Variants in ZBTB7A observed in about 807,000 individuals in gnomAD.
ZBTB7A encodes zinc finger and BTB domain containing 7A, also known as zinc finger and BTB domain-containing protein 7A.
A neutral mutation model predicts 26.7 loss-of-function variants in ZBTB7A; 7 were observed. That is an observed-to-expected ratio of 0.26 (90% confidence interval 0.15 to 0.49). The LOEUF is 0.49. ZBTB7A is among the 20% of genes least tolerant of loss of function. The pLI, the probability that ZBTB7A is intolerant of heterozygous loss-of-function variation, is 0.98. For missense variants in ZBTB7A, 617 were observed against 919.5 expected, an observed-to-expected ratio of 0.67 and a Z score of 4.25; for synonymous variants, 452 against 441.0, an observed-to-expected ratio of 1.02 and a Z score of -0.31.
chr19:4,046,877 C>T lies in ZBTB7A; in HGVS notation c.*875G>A, dbSNP rs1312566994. The T allele has an allele frequency of 2.2e-5, 3 of 137,410 alleles. No homozygotes were observed. The highest frequency in any genetic ancestry group is 4.1e-3 in the Middle Eastern group (1 of 242). The allele number at this position is 137,410 out of a possible 1,614,324, so 8.5% of individuals were successfully genotyped here. ...GGGAGAGGGGGCTCGGGGGAGAGGACGAAGACAGAAGTTTTGAATCTCCAA... is the reference window on the plus strand; with the variant it reads ...GGGAGAGGGGGCTCGGGGGAGAGGATGAAGACAGAAGTTTTGAATCTCCAA... On this transcript the variant is annotated 3_prime_UTR_variant, in exon 3 of 3. Coordinates refer to ENST00000322357, the MANE Select transcript of ZBTB7A (RefSeq NM_015898.4).
intron 1 of ZBTB7A, among the ~76,000 whole-genome samples, chr19:4,055,907 A>G (rs1257581569): frequency 6.6e-6 from 1 of 152,176 alleles, no homozygotes; most frequent in African/African-American, 2.4e-5. Flanking sequence ...ACAGGCATGA[A>G]CCACGGCACC....
rs1186708238 is a variant in ZBTB7A, at chr19:4,047,496, T to C, written c.*256A>G. 4 of 208,618 alleles carry C rather than the reference T, an allele frequency of 1.9e-5. No homozygotes were observed. The highest frequency in any genetic ancestry group is 4.8e-5 in the African/African-American group (2 of 41,302). 12.9% of individuals were successfully genotyped at this position (208,618 alleles called of 1,614,324 possible). ...GCCCCGAAACCCAGCGATGGGGTGG[T>C]GGGGGGAAGGGGAGCCAGGGAGGGC... is the stretch of plus-strand genomic sequence containing the variant. On this transcript the variant is annotated 3_prime_UTR_variant, in exon 3 of 3. Coordinates refer to ENST00000322357, the MANE Select transcript of ZBTB7A (RefSeq NM_015898.4).
intron 1 of ZBTB7A, among the ~76,000 whole-genome samples, chr19:4,063,858 T>G (rs1342194449): frequency 6.6e-6 from 1 of 152,120 alleles, no homozygotes; most frequent in African/African-American, 2.4e-5. Flanking sequence ...CGGCACCTGC[T>G]CCGAGGCTTG....
chr19:4,059,801 G>A (rs1210469146), intron 1 of ZBTB7A, among the ~76,000 whole-genome samples: 1 of 152,090 alleles, frequency 6.6e-6, no homozygotes, highest in Non-Finnish European at 1.5e-5. Context: ...CCTAAGGAAA[G>A]GGCCGAAGAC....
chr19:4,064,355 A>G (rs1026801247), intron 1 of ZBTB7A, among the ~76,000 whole-genome samples: 9 of 151,664 alleles, frequency 5.9e-5, no homozygotes, highest in African/African-American at 2.2e-4. Flanking sequence ...CTCTGTCTCC[A>G]CAGCGATGGC....
intron 2 of ZBTB7A, 140 bp downstream of exon 2, chr19:4,053,831 G>A: frequency 2.1e-6 from 2 of 950,326 alleles, no homozygotes; most frequent in South Asian, 1.7e-5. Context: ...GTGCGTGTAC[G>A]TGTCTGTGTG....
At position 4,047,881 on chromosome 19, in the gene ZBTB7A, G is replaced by A. The variant is rs1343205344; in HGVS notation, c.1626C>T (p.Asp542=). ...CGGGGCTGGCCACGTCCTCGTCCTC[G>A]TCCTCGTCCTTAAAGTGCTTCTCCT... ...NGQEKHFKDE[D]EDEDVASPDG... is the part of the protein sequence containing the mutation. Residue 542 remains aspartate, a synonymous_variant, in exon 3 of 3, where the codon GAC becomes GAT. Coordinates refer to ENST00000322357, the MANE Select transcript of ZBTB7A (RefSeq NM_015898.4). The A allele has an allele frequency of 4.4e-6, 7 of 1,597,780 alleles. 1 individual carries two copies. The East Asian group carries it at 7.0e-5, about 16-fold the overall frequency.
At chr19:4,063,868 G>C (rs926046377) in intron 1 of ZBTB7A, among the ~76,000 whole-genome samples, 1 of 152,194 alleles carries the variant, frequency 6.6e-6, no homozygotes, top group African/African-American at 2.4e-5. Flanking sequence ...TCCGAGGCTT[G>C]CTCTAACCTC....
intron 1 of ZBTB7A, among the ~76,000 whole-genome samples, chr19:4,063,202 G>A (rs2040657455): frequency 6.6e-6 from 1 of 152,178 alleles, no homozygotes; most frequent in African/African-American, 2.4e-5. Flanking sequence ...AAGACACCAC[G>A]GGTGGCTTTG....
At chr19:4,063,179 C>T (rs2040657068) in intron 1 of ZBTB7A, among the ~76,000 whole-genome samples, 2 of 152,178 alleles carry the variant, frequency 1.3e-5, no homozygotes, top group South Asian at 4.1e-4. Flanking sequence ...GGAGTTTCCG[C>T]CGCGGAGGAG....
At chr19:4,053,604 T>TCG (rs2040530457) in intron 2 of ZBTB7A, among the ~76,000 whole-genome samples, 2 of 149,824 alleles carry the variant, frequency 1.3e-5, no homozygotes, top group African/African-American at 4.9e-5. Flanking sequence ...TGCGTGCATG[T>TCG]GTATGTGATG....
chr19:4,054,303 G>A lies in ZBTB7A; in HGVS notation c.930C>T (p.Asp310=), dbSNP rs111690810. The part of the protein sequence containing the change: ...AAEGEDGDGP[D]VDGLAASTLL... Reference sequence around the variant, plus strand: ...GCGTGCTGGCCGCCAGCCCGTCCACGTCGGGCCCGTCCCCGTCCTCGCCCT... The same window carrying A: ...GCGTGCTGGCCGCCAGCCCGTCCACATCGGGCCCGTCCCCGTCCTCGCCCT... The change falls in exon 2 of 3, where the codon GAC becomes GAT. Residue 310 remains aspartate (D), a synonymous_variant. Coordinates refer to ENST00000322357, the MANE Select transcript of ZBTB7A (RefSeq NM_015898.4). The A allele has an allele frequency of 1.0e-4, 157 of 1,533,766 alleles. 1 individual carries two copies. Among genetic ancestry groups the A allele is most frequent in the African/African-American group, 6.9e-5 (5 of 72,936 alleles).
At chr19:4,066,217 G>A (rs575621908) in intron 1 of ZBTB7A, among the ~76,000 whole-genome samples, 12 of 120,018 alleles carry the variant, frequency 1.0e-4, no homozygotes, top group African/African-American at 3.6e-4. Context: ...ATCCCCCATG[G>A]AGCTCAATCC....
Position 4,055,260 on chromosome 19 carries a change from G to C in ZBTB7A, c.-15-13C>G. ...TCCGCGCCGAGACCTGCAGCAGTGG[G>C]GAAGGAGAGGGCGCTCGTGAGTGGG... is the stretch of plus-strand genomic sequence containing the variant. On this transcript the variant is annotated splice_polypyrimidine_tract_variant and intron_variant, in intron 1 of 2. Transcript: ENST00000322357. The C allele has an allele frequency of 6.9e-7, 1 of 1,457,052 alleles. No individual in the cohort carries two copies. Among genetic ancestry groups the C allele is most frequent in the Non-Finnish European group, 9.0e-7 (1 of 1,106,200 alleles). The allele number at this position is 1,457,052 out of a possible 1,614,324, so 90.3% of individuals were successfully genotyped here.
chr19:4,059,929 C>T (rs1409819556), intron 1 of ZBTB7A, among the ~76,000 whole-genome samples: 1 of 152,184 alleles, frequency 6.6e-6, no homozygotes, highest in Non-Finnish European at 1.5e-5. Context: ...GCGCCCGACA[C>T]ACGGTACACG....
intron 1 of ZBTB7A, among the ~76,000 whole-genome samples, chr19:4,056,409 G>A (rs529765807): frequency 9.8e-5 from 15 of 152,338 alleles, no homozygotes; most frequent in African/African-American, 3.4e-4. Context: ...CCTCCGAGGA[G>A]GGCCCCCGGG....
At chr19:4,056,896 G>A (rs1245112238) in intron 1 of ZBTB7A, among the ~76,000 whole-genome samples, 2 of 150,938 alleles carry the variant, frequency 1.3e-5, no homozygotes, top group African/African-American at 2.4e-5. Flanking sequence ...GCGTGGTGGC[G>A]CGTGCCTGTA....
intron 1 of ZBTB7A, among the ~76,000 whole-genome samples, 197 bp downstream of exon 1, chr19:4,066,485 C>T (rs1055639235): frequency 1.8e-4 from 28 of 151,546 alleles, no homozygotes; most frequent in Admixed American, 1.6e-3. Flanking sequence ...TCCCGGGCGG[C>T]GCCCCCTCCC....
rs1404790832 is a variant in ZBTB7A, at chr19:4,043,928, C to T, written c.*3824G>A. 2.1e-5 allele frequency among the ~76,000 whole-genome samples: 3 copies of T among 140,332 alleles called. No individual in the cohort carries two copies. The allele number at this position is 140,332 out of a possible 152,430, so 92.1% of individuals were successfully genotyped here. A position where few individuals can be genotyped will look rare whatever the true frequency, so the allele number is the denominator to read the frequency against. ...ACTGCAAATATAAATATCTTTCTTTCTCAAAAAATAGGATTTTTGCTTTTT... is the reference window on the plus strand; with the variant it reads ...ACTGCAAATATAAATATCTTTCTTTTTCAAAAAATAGGATTTTTGCTTTTT... On this transcript the variant is annotated 3_prime_UTR_variant, in exon 3 of 3. Transcript: ENST00000322357.
Sources: gnomAD v4.1 joint callset for allele counts (sites outside exome capture counted in the v4.1 genomes callset) on GRCh38, gnomAD v4.1.1 for gene constraint, MANE v1.5 for transcripts, NCBI Gene and HGNC (gene_info 2026-07-23, HGNC 2026-07-21) for gene names.